Variants in ADAM2 observed in about 807,000 individuals in gnomAD.
ADAM2 encodes ADAM metallopeptidase domain 2.
ADAM2 carries 101 observed loss-of-function variants against 99.3 expected under a neutral mutation model. The ratio of observed to expected loss-of-function variants is 1.02; its 90% CI spans 0.87 to 1.20. The LOEUF (loss-of-function observed/expected upper bound fraction) is 1.20, where lower values mean the gene tolerates loss of function less well. ADAM2 is among the 50% of genes most tolerant of loss of function. ADAM2 has a pLI of 0.00. For synonymous variants in ADAM2, 323 were observed against 287.6 expected (o/e 1.12, Z -1.25); for missense variants, 948 against 878.7 (o/e 1.08, Z -1.00).
At position 39,809,149 on chromosome 8, in the gene ADAM2, A is replaced by G. The variant is rs1047684757; in HGVS notation, c.570+261T>C. Among the ~76,000 whole-genome samples, 3 of 152,182 alleles carry G rather than the reference A, an allele frequency of 2.0e-5. No individual in the cohort carries two copies. In the East Asian group the frequency reaches 5.8e-4, roughly 29 times the overall value. ...AATTCAGTATAGTTCTAGAATACAT[A>G]CAAGTTTCTATAATAATTCTAAAAC... On this transcript the variant is annotated intron_variant, in intron 7 of 20. Coordinates refer to ENST00000265708, the MANE Select transcript of ADAM2 (RefSeq NM_001464.5).
intron 7 of ADAM2, among the ~76,000 whole-genome samples, chr8:39,789,865 A>C (rs994896296): frequency 3.3e-5 from 5 of 151,870 alleles, no homozygotes; most frequent in Non-Finnish European, 7.4e-5. Context: ...ACCTAATTAA[A>C]ACATGTGCAA....
chr8:39,748,593 A>G (rs1563332233), intron 18 of ADAM2, among the ~76,000 whole-genome samples: 1 of 152,124 alleles, frequency 6.6e-6, no homozygotes, highest in Non-Finnish European at 1.5e-5. Context: ...CCTAAGTATT[A>G]TTGGATATGC....
chr8:39,824,129 C>CA (rs1248741037), intron 4 of ADAM2, among the ~76,000 whole-genome samples: 2 of 151,928 alleles, frequency 1.3e-5, no homozygotes, highest in Non-Finnish European at 2.9e-5. Context: ...ACTAAAAATA[C>CA]AAAATTAGCC....
intron 2 of ADAM2, 117 bp from the exon 3 acceptor site, chr8:39,834,116 G>T (rs1004519464): frequency 1.8e-6 from 1 of 557,844 alleles, no homozygotes; most frequent in African/African-American, 1.9e-5. Flanking sequence ...AATAAAAGGA[G>T]AAAAAATAGA....
At chr8:39,763,488 C>T (rs1394270982) in intron 14 of ADAM2, among the ~76,000 whole-genome samples, 1 of 152,100 alleles carries the variant, frequency 6.6e-6, no homozygotes, top group Non-Finnish European at 1.5e-5. Flanking sequence ...AAAAAGGCAC[C>T]CTTGGGTGGA....
intron 16 of ADAM2, among the ~76,000 whole-genome samples, chr8:39,750,673 G>A (rs951821584): frequency 3.9e-5 from 6 of 152,126 alleles, no homozygotes; most frequent in East Asian, 1.9e-4. Context: ...GAAACCAGCT[G>A]AGTTGGAGTA....
At chr8:39,818,772 G>A (rs188677289) in intron 6 of ADAM2, among the ~76,000 whole-genome samples, 50 of 152,002 alleles carry the variant, frequency 3.3e-4, no homozygotes, top group Admixed American at 8.5e-4. Context: ...TACTAATAAT[G>A]AGAAATCCAA....
In ADAM2 at chr8:39,755,786, T is replaced by C. The variant is rs1354164749; in HGVS notation, c.1739A>G (p.Asp580Gly). ...CCACATCTTTTGGCTGTCTGCATGA[T>C]CACTGGCAAATTCCACAGCAATGCA... is the stretch of plus-strand genomic sequence containing the variant. The part of the protein sequence containing the change: ...HLCIAVEFAS[D>G]HADSQKMWIK... Residue 580 changes from aspartate to glycine, a missense_variant, in exon 16 of 21, where the codon GAT becomes GGT. Transcript: ENST00000265708. The C allele has an allele frequency of 7.4e-6, 12 of 1,613,684 alleles. No homozygotes were observed. The highest frequency in any genetic ancestry group is 1.0e-5 in the Non-Finnish European group (12 of 1,179,782).
At chr8:39,797,907 G>A (rs1335362754) in intron 7 of ADAM2, among the ~76,000 whole-genome samples, 1 of 152,164 alleles carries the variant, frequency 6.6e-6, no homozygotes, top group Non-Finnish European at 1.5e-5. Context: ...CTGAGATTTT[G>A]CTGAAGTTGT....
chr8:39,810,754 A>C (rs1287486815), intron 6 of ADAM2, among the ~76,000 whole-genome samples: 1 of 152,192 alleles, frequency 6.6e-6, no homozygotes, highest in African/African-American at 2.4e-5. Flanking sequence ...AAGACACAAC[A>C]TACCAGAATC....
chr8:39,752,467 C>T (rs1209350651), intron 16 of ADAM2, among the ~76,000 whole-genome samples: 2 of 152,278 alleles, frequency 1.3e-5, no homozygotes, highest in South Asian at 2.1e-4. Flanking sequence ...TCAATCCCTT[C>T]CCTCAAACTG....
chr8:39,797,313 C>T (rs1804003168), intron 7 of ADAM2, among the ~76,000 whole-genome samples: 1 of 151,680 alleles, frequency 6.6e-6, no homozygotes, highest in African/African-American at 2.4e-5. Flanking sequence ...GAGATCCTTT[C>T]CTCATTGCTT....
intron 10 of ADAM2, among the ~76,000 whole-genome samples, chr8:39,785,915 G>A (rs1219470954): frequency 6.6e-6 from 1 of 152,038 alleles, no homozygotes; most frequent in Non-Finnish European, 1.5e-5. Context: ...ATCAGCCTAA[G>A]TGTCCGTAAA....
At chr8:39,760,740 A>T (rs1366876458) in intron 15 of ADAM2, among the ~76,000 whole-genome samples, 6 of 88,392 alleles carry the variant, frequency 6.8e-5, no homozygotes, top group African/African-American at 1.7e-4. Flanking sequence ...ATAAAAAAAT[A>T]AAAAAAAAAC....
intron 14 of ADAM2, among the ~76,000 whole-genome samples, chr8:39,763,054 A>G (rs1194432386): frequency 6.6e-6 from 1 of 152,194 alleles, no homozygotes; most frequent in Non-Finnish European, 1.5e-5. Flanking sequence ...ACAGCTAATG[A>G]AGAGGTCACA....
In ADAM2 at chr8:39,749,465, A is replaced by T. The variant is rs1427807889; in HGVS notation, c.1876-15T>A. The T allele has an allele frequency of 6.2e-7, 1 of 1,604,236 alleles. No individual in the cohort carries two copies. Among genetic ancestry groups the T allele is most frequent in the Non-Finnish European group, 8.5e-7 (1 of 1,172,696 alleles). On this transcript the variant is annotated splice_polypyrimidine_tract_variant and intron_variant, in intron 17 of 20. Coordinates refer to ENST00000265708, the MANE Select transcript of ADAM2 (RefSeq NM_001464.5). ...TTATTGCATACCTAAAAGAAGGAGA[A>T]ATATCACCTTATAAGATAAGCAACT...
Position 39,815,445 on chromosome 8 carries a change from G to T in ADAM2, c.513+5557C>A, listed in dbSNP as rs1387902658. On this transcript the variant is annotated intron_variant, in intron 6 of 20. Coordinates refer to ENST00000265708, the MANE Select transcript of ADAM2 (RefSeq NM_001464.5). ...TAGGAATTAAATTTTTATGTTGGAA[G>T]TAGGTGGAGGATAAAATGAGGCTAG... is the stretch of plus-strand genomic sequence containing the variant. Among the ~76,000 whole-genome samples the T allele has an allele frequency of 2.1e-4, 32 of 152,158 alleles. 1 individual carries two copies.
At chr8:39,801,065 C>A (rs1286896068) in intron 7 of ADAM2, among the ~76,000 whole-genome samples, 1 of 152,124 alleles carries the variant, frequency 6.6e-6, no homozygotes, top group Non-Finnish European at 1.5e-5. Context: ...GATGGAGAGA[C>A]ACTGCAATCA....
chr8:39,821,318 C>A, intron 5 of ADAM2, 148 bp from the exon 6 acceptor site: 1 of 643,294 alleles, frequency 1.6e-6, no homozygotes, highest in Non-Finnish European at 2.6e-6. Context: ...ACTGGGTATC[C>A]ACAAACTTAC....
Sources: gnomAD v4.1 joint callset for allele counts (sites outside exome capture counted in the v4.1 genomes callset) on GRCh38, gnomAD v4.1.1 for gene constraint, MANE v1.5 for transcripts, NCBI Gene and HGNC (gene_info 2026-07-23, HGNC 2026-07-21) for gene names.